LCLAT1: variants seen among roughly 807,000 people sequenced by gnomAD.
LCLAT1 encodes 1-AGP acyltransferase 8.
Under a neutral mutation model 30.7 loss-of-function variants are expected in LCLAT1, and 11 were observed. That is an observed-to-expected ratio of 0.36 (90% confidence interval 0.23 to 0.59). The LOEUF (loss-of-function observed/expected upper bound fraction) is 0.59, where lower values mean the gene tolerates loss of function less well. Among genes scored for constraint, LCLAT1 ranks in the 20% least tolerant of loss-of-function variants. LCLAT1 has a pLI of 0.77. For synonymous variants in LCLAT1, 155 were observed against 151.3 expected (o/e 1.02, Z -0.18); for missense variants, 402 against 458.6 (o/e 0.88, Z 1.13).
intron 1 of LCLAT1, among the ~76,000 whole-genome samples, chr2:30,452,582 A>G (rs1681611583): frequency 6.6e-6 from 1 of 152,244 alleles, no homozygotes. Flanking sequence ...AATACAATAC[A>G]TGATATTTTA....
At chr2:30,481,659 C>CT (rs952429744) in intron 1 of LCLAT1, among the ~76,000 whole-genome samples, 23 of 152,084 alleles carry the variant, frequency 1.5e-4, no homozygotes, top group African/African-American at 4.3e-4. Flanking sequence ...TGAAAGTGGA[C>CT]TTTTTTGCCA....
intron 1 of LCLAT1, among the ~76,000 whole-genome samples, chr2:30,458,122 G>A (rs928883738): frequency 2.0e-5 from 3 of 152,144 alleles, no homozygotes; most frequent in Admixed American, 6.5e-5. Context: ...AGAATAGAGT[G>A]TAGTAGCTGA....
intron 5 of LCLAT1, among the ~76,000 whole-genome samples, chr2:30,602,293 T>G (rs1357804783): frequency 6.6e-6 from 1 of 152,240 alleles, no homozygotes; most frequent in Non-Finnish European, 1.5e-5. Flanking sequence ...TTACTAGATC[T>G]TTCCAGCAAA....
chr2:30,502,186 C>G (rs912233661), intron 1 of LCLAT1, among the ~76,000 whole-genome samples: 2 of 152,084 alleles, frequency 1.3e-5, no homozygotes, highest in African/African-American at 4.8e-5. Context: ...ATTTCACTCT[C>G]TAGTTTTTGG....
At chr2:30,501,909 G>C (rs1684415158) in intron 1 of LCLAT1, among the ~76,000 whole-genome samples, 1 of 152,170 alleles carries the variant, frequency 6.6e-6, no homozygotes, top group African/African-American at 2.4e-5. Context: ...TATACTTTAT[G>C]TTAGTGGCTA....
At chr2:30,621,546 A>G (rs1426882490) in intron 5 of LCLAT1, among the ~76,000 whole-genome samples, 1 of 152,162 alleles carries the variant, frequency 6.6e-6, no homozygotes, top group Non-Finnish European at 1.5e-5. Flanking sequence ...AAAAGCTGAG[A>G]GAATCCACAG....
chr2:30,487,199 T>A (rs558553978), intron 1 of LCLAT1, among the ~76,000 whole-genome samples: 76 of 152,312 alleles, frequency 5.0e-4, no homozygotes, highest in African/African-American at 1.7e-3. Context: ...TTTCCCATGG[T>A]ACCCAGCTAA....
intron 3 of LCLAT1, among the ~76,000 whole-genome samples, chr2:30,534,359 G>T (rs1039449827): frequency 4.6e-5 from 7 of 151,928 alleles, no homozygotes; most frequent in Non-Finnish European, 7.4e-5. Context: ...CTCACTGCAA[G>T]CTCCACCTCG....
At chr2:30,561,742 CTT>C (rs1466329882) in intron 3 of LCLAT1, among the ~76,000 whole-genome samples, 1 of 152,134 alleles carries the variant, frequency 6.6e-6, no homozygotes, top group Non-Finnish European at 1.5e-5. Flanking sequence ...TGACGACAGT[CTT>C]TTGCTTACTG....
intron 5 of LCLAT1, among the ~76,000 whole-genome samples, chr2:30,627,915 C>G (rs951692570): frequency 6.6e-6 from 1 of 152,104 alleles, no homozygotes; most frequent in South Asian, 2.1e-4. Context: ...TTAAAACTCA[C>G]ATTTTAAATT....
chr2:30,548,580 A>T lies in LCLAT1; in HGVS notation c.365-13566A>T, dbSNP rs538055129. Among the ~76,000 whole-genome samples, 11 of 152,332 alleles carry T rather than the reference A, an allele frequency of 7.2e-5. No homozygotes were observed. The South Asian group carries it at 2.1e-3, about 29-fold the overall frequency. ...TTTTTTGTGCAGAGGAATCTCTCAGATAGCAAACTTCAGAGAGAGAGCAGG... is the reference window on the plus strand; with the variant it reads ...TTTTTTGTGCAGAGGAATCTCTCAGTTAGCAAACTTCAGAGAGAGAGCAGG... On this transcript the variant is annotated intron_variant, in intron 3 of 5. Transcript: ENST00000379509.
rs1033502209 is a variant in LCLAT1, at chr2:30,483,079, C to A, written c.-5+35696C>A. Among the ~76,000 whole-genome samples, 3 of 152,252 alleles carry A rather than the reference C, an allele frequency of 2.0e-5. No homozygotes were observed. The East Asian group carries it at 5.8e-4, about 29-fold the overall frequency. ...AAATAAATTTGGACTTTAGTTAATA[C>A]AAATGTAATATTGCTTCATTAGTTG... On this transcript the variant is annotated intron_variant, in intron 1 of 5. Coordinates refer to ENST00000379509, the MANE Select transcript of LCLAT1 (RefSeq NM_001002257.3).
At chr2:30,448,430 A>G (rs985363314) in intron 1 of LCLAT1, among the ~76,000 whole-genome samples, 2 of 152,230 alleles carry the variant, frequency 1.3e-5, no homozygotes, top group Admixed American at 1.3e-4. Flanking sequence ...GTACTTTGAT[A>G]TGCTTGATAT....
chr2:30,565,242 T>A (rs1665423571), intron 4 of LCLAT1, among the ~76,000 whole-genome samples: 1 of 151,802 alleles, frequency 6.6e-6, no homozygotes. Context: ...GGTGGCAGAG[T>A]GGAGATCCCG....
intron 1 of LCLAT1, among the ~76,000 whole-genome samples, chr2:30,478,497 A>C (rs1278757468): frequency 6.6e-6 from 1 of 152,172 alleles, no homozygotes; most frequent in Non-Finnish European, 1.5e-5. Flanking sequence ...AAATCTCTAT[A>C]GAATAGTTAT....
intron 5 of LCLAT1, among the ~76,000 whole-genome samples, chr2:30,585,975 G>GAT (rs201135988): frequency 6.6e-6 from 1 of 151,980 alleles, no homozygotes; most frequent in East Asian, 1.9e-4. Flanking sequence ...GGAATGGCCG[G>GAT]GCGTGGTGGC....
intron 5 of LCLAT1, among the ~76,000 whole-genome samples, chr2:30,579,795 T>C (rs1340404025): frequency 5.3e-5 from 8 of 152,200 alleles, no homozygotes; most frequent in Admixed American, 5.2e-4. Context: ...GTGAAAGTTC[T>C]AGTATTTATG....
At chr2:30,473,486 GT>G (rs921545543) in intron 1 of LCLAT1, among the ~76,000 whole-genome samples, 12 of 152,090 alleles carry the variant, frequency 7.9e-5, no homozygotes, top group African/African-American at 1.7e-4. Context: ...TTATCAACAT[GT>G]TTTTTCATCC....
chr2:30,560,287 TG>T (rs1665141876), intron 3 of LCLAT1, among the ~76,000 whole-genome samples: 4 of 88,482 alleles, frequency 4.5e-5, no homozygotes, highest in Non-Finnish European at 8.2e-5. Context: ...AAGTGTGGTG[TG>T]TGTGTGTGTG....
Sources: gnomAD v4.1 joint callset for allele counts (sites outside exome capture counted in the v4.1 genomes callset) on GRCh38, gnomAD v4.1.1 for gene constraint, MANE v1.5 for transcripts, NCBI Gene and HGNC (gene_info 2026-07-23, HGNC 2026-07-21) for gene names.